The following PPM1E variants were observed in gnomAD, a reference collection of about 807,000 sequenced individuals.
PPM1E encodes protein phosphatase 1E.
Under a neutral mutation model 65.9 loss-of-function variants are expected in PPM1E, and 20 were observed. The observed-to-expected ratio is 0.30, with a 90% CI of 0.21 to 0.44. The LOEUF is 0.44. Among genes scored for constraint, PPM1E ranks in the 20% least tolerant of loss-of-function variants. The pLI is 1.00. For missense variants in PPM1E, 713 were observed against 953.1 expected, an observed-to-expected ratio of 0.75 and a Z score of 3.32; for synonymous variants, 352 against 374.9, an observed-to-expected ratio of 0.94 and a Z score of 0.70.
At chr17:58,900,192 A>AT (rs2051481455) in intron 1 of PPM1E, among the ~76,000 whole-genome samples, 1 of 152,230 alleles carries the variant, frequency 6.6e-6, no homozygotes, top group Non-Finnish European at 1.5e-5. Context: ...CAGTGGCAGG[A>AT]TTTGAGAGGA....
Position 58,980,799 on chromosome 17 carries a change from A to G in PPM1E, c.2036A>G (p.His679Arg), listed in dbSNP as rs1040019991. 14 of 1,614,096 alleles carry G rather than the reference A, an allele frequency of 8.7e-6. No individual in the cohort carries two copies. Among genetic ancestry groups the G allele is most frequent in the African/African-American group, 1.3e-5 (1 of 74,946 alleles). The change falls in exon 7 of 7, where the codon CAC becomes CGC. Residue 679 changes from histidine to arginine, a missense_variant. By Grantham distance (29) the His-to-Arg change is conservative. Around this residue, in one of 6 missense-constraint regions of PPM1E, gnomAD observed 286 missense variants for 313.8 expected, o/e 0.91. Coordinates refer to ENST00000308249, the MANE Select transcript of PPM1E (RefSeq NM_014906.5). The surrounding 1 kb of genome is among the most constrained non-coding windows in gnomAD (Gnocchi z 4.7). ...HLRHHYSKKW[H>R]RFRFNPKFYS... ...CGCCACCACTACTCAAAGAAGTGGC[A>G]CAGATTCAGGTTTAATCCAAAGTTT...
chr17:58,894,987 A>G (rs942883603), intron 1 of PPM1E, among the ~76,000 whole-genome samples: 1 of 152,190 alleles, frequency 6.6e-6, no homozygotes, highest in Non-Finnish European at 1.5e-5. Context: ...ATGTTCAACA[A>G]GTCCGTTGGC....
intron 1 of PPM1E, chr17:58,785,459 TA>T (rs1432015102): frequency 0.048 from 852 of 17,580 alleles, 24 homozygotes; most frequent in African/African-American, 0.1. Context: ...CTGGCTAATT[TA>T]TATATATATA....
chr17:58,974,544 G>A (rs1368507901), intron 6 of PPM1E, among the ~76,000 whole-genome samples: 1 of 152,074 alleles, frequency 6.6e-6, no homozygotes, highest in African/African-American at 2.4e-5. Context: ...TTTGGGCCCT[G>A]GGTTTATTAT....
intron 1 of PPM1E, among the ~76,000 whole-genome samples, chr17:58,795,691 G>A (rs2050199345): frequency 6.6e-6 from 1 of 152,206 alleles, no homozygotes; most frequent in African/African-American, 2.4e-5. Flanking sequence ...GAGACAGAGT[G>A]AGACGCTGTT....
intron 1 of PPM1E, among the ~76,000 whole-genome samples, chr17:58,810,164 G>T (rs1323111915): frequency 6.6e-6 from 1 of 151,992 alleles, no homozygotes; most frequent in Non-Finnish European, 1.5e-5. Flanking sequence ...CTGATTTTAG[G>T]CTTGAGTTTT....
chr17:58,809,590 C>T (rs1052391429), intron 1 of PPM1E, among the ~76,000 whole-genome samples: 2 of 152,188 alleles, frequency 1.3e-5, no homozygotes, highest in Admixed American at 1.3e-4. Context: ...TACTATGTTT[C>T]CCAGACTGGT....
In PPM1E at chr17:58,983,887, T is replaced by TGAA. The variant is rs1256011937; in HGVS notation, c.*2858_*2860dup. Reference sequence around the variant, plus strand: ...GGGAAACAAACTTCAGGTCACCAACTGAAGTCATTACAAACTCCTTGTACA... The same window carrying TGAA: ...GGGAAACAAACTTCAGGTCACCAACTGAAGAAGTCATTACAAACTCCTTGTACA... On this transcript the variant is annotated 3_prime_UTR_variant, in exon 7 of 7. Transcript: ENST00000308249. 6.6e-6 allele frequency: 1 copy of TGAA among 152,642 alleles called. No homozygotes were observed. Among genetic ancestry groups the TGAA allele is most frequent in the East Asian group, 1.9e-4 (1 of 5,194 alleles). The allele number at this position is 152,642 out of a possible 1,614,324, so 9.5% of individuals were successfully genotyped here.
intron 1 of PPM1E, among the ~76,000 whole-genome samples, chr17:58,824,790 A>G (rs531043726): frequency 1.1e-3 from 156 of 143,448 alleles, no homozygotes; most frequent in Non-Finnish European, 1.0e-3. Context: ...TTTTTTTTTC[A>G]GTAGTGACAG....
chr17:58,797,072 C>T (rs1464184710), intron 1 of PPM1E, among the ~76,000 whole-genome samples: 1 of 152,144 alleles, frequency 6.6e-6, no homozygotes, highest in African/African-American at 2.4e-5. Flanking sequence ...CACGCCACTT[C>T]ACTCCAGCCT....
chr17:58,787,955 C>G (rs1242666109), intron 1 of PPM1E, among the ~76,000 whole-genome samples: 1 of 150,792 alleles, frequency 6.6e-6, no homozygotes, highest in Non-Finnish European at 1.5e-5. Flanking sequence ...TGGCCGTGTT[C>G]AGAGTTTTCT....
At chr17:58,793,050 A>C (rs1162626405) in intron 1 of PPM1E, among the ~76,000 whole-genome samples, 2 of 151,894 alleles carry the variant, frequency 1.3e-5, no homozygotes. Flanking sequence ...GCCCAGCCGA[A>C]TTTTACTACT....
In PPM1E at chr17:58,802,553, T is replaced by G. The variant is rs937936571; in HGVS notation, c.464+46092T>G. On this transcript the variant is annotated intron_variant, in intron 1 of 6. Coordinates refer to ENST00000308249, the MANE Select transcript of PPM1E (RefSeq NM_014906.5). ...ACTATTAATATACAAATGTTAGGGG[T>G]TTTTTTTCTATTTTTTGTGGAAAAT... Among the ~76,000 whole-genome samples, 13 of 151,950 alleles carry G rather than the reference T, an allele frequency of 8.6e-5. No homozygotes were observed. In the East Asian group the frequency reaches 1.2e-3, roughly 14 times the overall value.
At chr17:58,847,438 C>G (rs969760405) in intron 1 of PPM1E, among the ~76,000 whole-genome samples, 3 of 151,940 alleles carry the variant, frequency 2.0e-5, no homozygotes, top group African/African-American at 7.3e-5. Context: ...ATCTTGAATT[C>G]ATTTTTGTAT....
chr17:58,775,173 T>C (rs927188636), intron 1 of PPM1E, among the ~76,000 whole-genome samples: 1 of 152,142 alleles, frequency 6.6e-6, no homozygotes, highest in Non-Finnish European at 1.5e-5. Flanking sequence ...TTTATAATGG[T>C]AATACAAATA....
chr17:58,901,187 T>C (rs939407153), intron 1 of PPM1E, among the ~76,000 whole-genome samples: 1 of 152,210 alleles, frequency 6.6e-6, no homozygotes, highest in Admixed American at 6.5e-5. Flanking sequence ...TTTCAAAGTT[T>C]GATGTGGTTA....
chr17:58,828,306 A>T (rs1342551834), intron 1 of PPM1E, among the ~76,000 whole-genome samples: 1 of 152,092 alleles, frequency 6.6e-6, no homozygotes, highest in Non-Finnish European at 1.5e-5. Context: ...ATATACTAAG[A>T]ACAGTCTCTT....
At chr17:58,805,075 A>C in intron 1 of PPM1E, among the ~76,000 whole-genome samples, 1 of 150,084 alleles carries the variant, frequency 6.7e-6, no homozygotes, top group Admixed American at 6.6e-5. Context: ...CCTACTTTCT[A>C]CCTCCCTGAG....
chr17:58,980,247 T>G lies in PPM1E; in HGVS notation c.1484T>G (p.Val495Gly). The G allele has an allele frequency of 6.2e-7, 1 of 1,614,142 alleles. No individual in the cohort carries two copies. Among genetic ancestry groups the G allele is most frequent in the Non-Finnish European group, 8.5e-7 (1 of 1,180,020 alleles). ...TTCCTGAGGGACATGAACAAAGCTG[T>G]AAATGTTAGTGAGGAATCAGATTGG... ...VVFLRDMNKA[V>G]NVSEESDWTE... The change falls in exon 7 of 7, where the codon GTA becomes GGA. Residue 495 changes from valine to glycine, a missense_variant. Val to Gly is a moderately radical substitution (Grantham distance 109, BLOSUM62 -3). Transcript: ENST00000308249. The surrounding 1 kb of genome is among the most constrained non-coding windows in gnomAD (Gnocchi z 4.7).
Sources: allele counts gnomAD v4.1 joint callset (sites outside exome capture counted in the v4.1 genomes callset), GRCh38; gene constraint gnomAD v4.1.1; regional missense constraint gnomAD v4.1.1; non-coding constraint Gnocchi (gnomAD v3.1); transcripts MANE v1.5; gene names NCBI Gene and HGNC (gene_info 2026-07-23, HGNC 2026-07-21).